The following ACTR3C variants were observed in gnomAD, a reference collection of about 807,000 sequenced individuals.
ACTR3C encodes the protein actin related protein 3C.
A neutral mutation model predicts 26.3 loss-of-function variants in ACTR3C; 18 were observed. The observed-to-expected ratio is 0.68, with a 90% CI of 0.47 to 1.01. The LOEUF is 1.01. Among genes scored for constraint, ACTR3C ranks in the 50% least tolerant of loss-of-function variants. ACTR3C has a pLI of 0.00. For synonymous variants in ACTR3C, 55 were observed against 94.5 expected (o/e 0.58, Z 2.42); for missense variants, 184 against 250.7 (o/e 0.73, Z 1.80).
chr7:150,158,864 CCACA>C, the ACTR3C span, among the ~76,000 whole-genome samples: 1,837 of 150,546 alleles, frequency 0.012, 27 homozygotes, highest in African/African-American at 0.04. Flanking sequence ...ACAGGCATGC[CCACA>C]CACACACGTG....
chr7:150,015,476 C>T, the ACTR3C span, among the ~76,000 whole-genome samples: 4 of 152,114 alleles, frequency 2.6e-5, no homozygotes, highest in African/African-American at 7.2e-5. Flanking sequence ...TAACATACAA[C>T]CTTATTTGCT....
chr7:150,036,037 T>C, the ACTR3C span, among the ~76,000 whole-genome samples: 2 of 81,312 alleles, frequency 2.5e-5, no homozygotes, highest in African/African-American at 5.5e-5. Context: ...AGAGCAAAGG[T>C]GGGAAGAGGG....
intron 1 of ACTR3C, among the ~76,000 whole-genome samples, chr7:150,299,708 C>T (rs909752157): frequency 6.6e-6 from 1 of 152,042 alleles, no homozygotes; most frequent in African/African-American, 2.4e-5. Context: ...ATTGCTTAAA[C>T]CCGGGAGGCA....
At chr7:150,227,393 A>G in the ACTR3C span, among the ~76,000 whole-genome samples, 10 of 151,086 alleles carry the variant, frequency 6.6e-5, no homozygotes, top group African/African-American at 9.8e-5. Context: ...ATTATACAAT[A>G]TTTGTTTTTT....
chr7:150,263,937 A>G (rs910451405), intron 6 of ACTR3C, among the ~76,000 whole-genome samples: 1 of 152,274 alleles, frequency 6.6e-6, no homozygotes, highest in African/African-American at 2.4e-5. Context: ...ACTCAGGAAG[A>G]CAGCTGCAGG....
chr7:150,159,822 G>A, the ACTR3C span, among the ~76,000 whole-genome samples: 1 of 151,904 alleles, frequency 6.6e-6, no homozygotes, highest in Non-Finnish European at 1.5e-5. Context: ...TTTTTGAGAT[G>A]GAGTCTCGCT....
the ACTR3C span, among the ~76,000 whole-genome samples, chr7:149,981,200 G>A: frequency 4.6e-5 from 7 of 152,074 alleles, no homozygotes; most frequent in South Asian, 2.1e-4. Flanking sequence ...TGGACACACC[G>A]CAACAAGTAC....
intron 6 of ACTR3C, among the ~76,000 whole-genome samples, chr7:150,250,135 T>C (rs1248610566): frequency 4.6e-5 from 7 of 151,716 alleles, no homozygotes; most frequent in Non-Finnish European, 5.9e-5. Context: ...TGTAAAGTGA[T>C]TGGATGTTTT....
the ACTR3C span, among the ~76,000 whole-genome samples, chr7:149,985,659 C>CA: frequency 6.6e-6 from 1 of 152,138 alleles, no homozygotes; most frequent in Non-Finnish European, 1.5e-5. Context: ...AGACCTACTT[C>CA]AAAAAATGCA....
At chr7:150,231,513 C>G in the ACTR3C span, among the ~76,000 whole-genome samples, 11 of 151,146 alleles carry the variant, frequency 7.3e-5, no homozygotes, top group Non-Finnish European at 1.3e-4. Flanking sequence ...TGAGTGGAAG[C>G]TTCCTGAAGG....
At chr7:150,039,186 C>T in the ACTR3C span, among the ~76,000 whole-genome samples, 20 of 145,516 alleles carry the variant, frequency 1.4e-4, no homozygotes, top group African/African-American at 3.9e-4. Flanking sequence ...GTCCCCGCCT[C>T]GCGGGGGGTG....
At chr7:149,887,731 C>T in the ACTR3C span, among the ~76,000 whole-genome samples, 3 of 152,168 alleles carry the variant, frequency 2.0e-5, no homozygotes, top group Non-Finnish European at 2.9e-5. Flanking sequence ...GTGCCCCCAC[C>T]CAAATCTCAA....
chr7:150,283,785 A>G (rs1835539857), intron 6 of ACTR3C, among the ~76,000 whole-genome samples: 1 of 150,804 alleles, frequency 6.6e-6, no homozygotes, highest in Non-Finnish European at 1.5e-5. Context: ...TCTCTGTACA[A>G]TTCAGCGACC....
At chr7:150,293,952 A>G (rs1459604841) in intron 2 of ACTR3C, among the ~76,000 whole-genome samples, 1 of 152,246 alleles carries the variant, frequency 6.6e-6, no homozygotes, top group African/African-American at 2.4e-5. Context: ...AAAAAAAAGA[A>G]AGAAAGAAAA....
At chr7:150,297,598 T>A (rs1311578541) in intron 1 of ACTR3C, among the ~76,000 whole-genome samples, 1 of 152,238 alleles carries the variant, frequency 6.6e-6, no homozygotes, top group East Asian at 1.9e-4. Context: ...ATGCCTGTAA[T>A]CCCAGCACTT....
the ACTR3C span, among the ~76,000 whole-genome samples, chr7:150,016,124 C>T: frequency 6.6e-6 from 1 of 152,122 alleles, no homozygotes; most frequent in Non-Finnish European, 1.5e-5. Flanking sequence ...AGGGCCTTTG[C>T]TACTCCATCC....
At chr7:149,954,819 G>A in the ACTR3C span, among the ~76,000 whole-genome samples, 50 of 152,310 alleles carry the variant, frequency 3.3e-4, 1 homozygote, top group South Asian at 9.7e-3. Context: ...AATAGAAAGT[G>A]TATTCTGAAT....
chr7:149,923,423 T>C, the ACTR3C span, among the ~76,000 whole-genome samples: 1 of 152,084 alleles, frequency 6.6e-6, no homozygotes, highest in Admixed American at 6.5e-5. Flanking sequence ...TATATATATA[T>C]CTATATCAGA....
At chr7:150,221,211 G>C in the ACTR3C span, among the ~76,000 whole-genome samples, 2 of 152,270 alleles carry the variant, frequency 1.3e-5, no homozygotes, top group African/African-American at 4.8e-5. Flanking sequence ...ATTTGGGGAA[G>C]GGCAACAGAG....
Sources: gnomAD v4.1 joint callset for allele counts (sites outside exome capture counted in the v4.1 genomes callset) on GRCh38, gnomAD v4.1.1 for gene constraint, MANE v1.5 for transcripts, NCBI Gene and HGNC (gene_info 2026-07-23, HGNC 2026-07-21) for gene names.